Variants in TYR observed in about 807,000 individuals in gnomAD.
TYR encodes LB24-AB.
In TYR, 58 loss-of-function variants were observed where a neutral mutation model predicts 51.5. The observed-to-expected ratio is 1.13, with a 90% confidence interval of 0.91 to 1.40. The LOEUF (loss-of-function observed/expected upper bound fraction) is 1.40, where lower values mean the gene tolerates loss of function less well. Among genes scored for constraint, TYR ranks in the 40% most tolerant of loss-of-function variants. The pLI is 0.00. For synonymous variants in TYR, 263 were observed against 235.2 expected (o/e 1.12, Z -1.08); for missense variants, 732 against 647.4 (o/e 1.13, Z -1.42).
intron 2 of TYR, among the ~76,000 whole-genome samples, chr11:89,223,908 G>GTT (rs66544506): frequency 0.044 from 6,333 of 143,086 alleles, 175 homozygotes; most frequent in Middle Eastern, 0.062. Flanking sequence ...TTCTTTAGCT[G>GTT]TTTTTTTTTT....
intron 3 of TYR, among the ~76,000 whole-genome samples, chr11:89,243,106 C>T (rs2155147): frequency 0.027 from 4,121 of 152,184 alleles, 158 homozygotes; most frequent in African/African-American, 0.093. Context: ...TTGTTATTCT[C>T]AAAAGTTTGT....
At position 89,284,938 on chromosome 11, in the gene TYR, C is replaced by T; in HGVS notation, c.1350C>T (p.Ser450=). 1.9e-6 allele frequency: 3 copies of T among 1,611,340 alleles called. No homozygotes were observed. Among genetic ancestry groups the T allele is most frequent in the Non-Finnish European group, 2.5e-6 (3 of 1,178,122 alleles). Residue 450 remains serine, a synonymous_variant, in exon 4 of 5, where the codon AGC becomes AGT. Coordinates refer to ENST00000263321, the MANE Select transcript of TYR (RefSeq NM_000372.5). ...CCAAAGATCTGGGCTATGACTATAG[C>T]TATCTACAAGATTCAGGTAAAGTTT... ...ISSKDLGYDY[S]YLQDSDPDSF...
chr11:89,269,608 C>G (rs1944566687), intron 3 of TYR, among the ~76,000 whole-genome samples: 1 of 151,900 alleles, frequency 6.6e-6, no homozygotes, highest in Admixed American at 6.6e-5. Flanking sequence ...AACTGCCTTA[C>G]TGATTCCCCA....
intron 2 of TYR, among the ~76,000 whole-genome samples, chr11:89,224,290 G>A (rs1943949801): frequency 6.6e-6 from 1 of 152,052 alleles, no homozygotes; most frequent in African/African-American, 2.4e-5. Flanking sequence ...TCTGTACTAG[G>A]TGCTTTTATA....
intron 3 of TYR, among the ~76,000 whole-genome samples, chr11:89,271,912 A>T (rs781169642): frequency 2.6e-4 from 40 of 151,902 alleles, no homozygotes; most frequent in Non-Finnish European, 1.2e-4. Flanking sequence ...GCAACCCCTC[A>T]TTCGTTCAAA....
chr11:89,275,466 C>T (rs1261651983), intron 3 of TYR, among the ~76,000 whole-genome samples: 1 of 151,914 alleles, frequency 6.6e-6, no homozygotes, highest in Non-Finnish European at 1.5e-5. Context: ...CCCAGATCTT[C>T]TACTGCTTTC....
rs1943442931 is a variant in TYR, at chr11:89,191,349, A to C, written c.967A>C (p.Ser323Arg). ...TTCAGCTGATGTAGAATTTTGCCTGAGTTTGACCCAATATGAATCTGGTTC... is the reference window on the plus strand; with the variant it reads ...TTCAGCTGATGTAGAATTTTGCCTGCGTTTGACCCAATATGAATCTGGTTC... ...PSSADVEFCL[S>R]LTQYESGSMD... Residue 323 changes from serine to arginine, a missense_variant, in exon 2 of 5, where the codon AGT (serine) becomes CGT (arginine). Ser to Arg is a moderately radical substitution (Grantham distance 110). Transcript: ENST00000263321. 1.2e-6 allele frequency: 2 copies of C among 1,613,668 alleles called. No individual in the cohort carries two copies. The highest frequency in any genetic ancestry group is 2.2e-5 in the South Asian group (2 of 91,092).
At chr11:89,261,921 G>C (rs1348299290) in intron 3 of TYR, among the ~76,000 whole-genome samples, 1 of 151,990 alleles carries the variant, frequency 6.6e-6, no homozygotes, top group Non-Finnish European at 1.5e-5. Flanking sequence ...ATGAATATAT[G>C]GGGAAATTAA....
At chr11:89,222,780 G>A (rs972119576) in intron 2 of TYR, among the ~76,000 whole-genome samples, 1 of 152,092 alleles carries the variant, frequency 6.6e-6, no homozygotes, top group African/African-American at 2.4e-5. Flanking sequence ...CTGAAACTGG[G>A]TTTATTAATT....
chr11:89,213,711 C>G (rs1161857875), intron 2 of TYR, among the ~76,000 whole-genome samples: 3 of 152,144 alleles, frequency 2.0e-5, no homozygotes, highest in Admixed American at 6.5e-5. Flanking sequence ...GCTACACTAA[C>G]CAAAACAGCA....
chr11:89,204,956 T>A (rs1943652170), intron 2 of TYR, among the ~76,000 whole-genome samples: 1 of 152,152 alleles, frequency 6.6e-6, no homozygotes. Flanking sequence ...CGCAATTACG[T>A]TTGTACCAAG....
At chr11:89,241,319 G>A (rs537516511) in intron 3 of TYR, among the ~76,000 whole-genome samples, 1 of 152,228 alleles carries the variant, frequency 6.6e-6, no homozygotes, top group South Asian at 2.1e-4. Context: ...ATGTACTCTT[G>A]TCTACCCTGT....
chr11:89,266,638 A>G (rs2135311353), intron 3 of TYR, among the ~76,000 whole-genome samples: 1 of 152,104 alleles, frequency 6.6e-6, no homozygotes, highest in South Asian at 2.1e-4. Flanking sequence ...CACTGCATAT[A>G]TGTTACATAC....
At chr11:89,278,321 T>C (rs879854248) in intron 3 of TYR, among the ~76,000 whole-genome samples, 23 of 151,662 alleles carry the variant, frequency 1.5e-4, no homozygotes, top group Non-Finnish European at 3.2e-4. Flanking sequence ...ATTTCTGAAA[T>C]TGCTAGTTAC....
chr11:89,265,713 CT>C (rs2135310561), intron 3 of TYR, among the ~76,000 whole-genome samples: 1 of 152,054 alleles, frequency 6.6e-6, no homozygotes, highest in East Asian at 1.9e-4. Flanking sequence ...AATAGGAATC[CT>C]TTTCTCCATG....
intron 1 of TYR, among the ~76,000 whole-genome samples, chr11:89,185,036 A>C (rs1943351816): frequency 6.6e-6 from 1 of 152,186 alleles, no homozygotes; most frequent in Admixed American, 6.5e-5. Flanking sequence ...GATTATTTTC[A>C]AATGTGATGC....
intron 2 of TYR, among the ~76,000 whole-genome samples, chr11:89,202,247 T>C (rs558413893): frequency 6.6e-6 from 1 of 152,206 alleles, no homozygotes; most frequent in South Asian, 2.1e-4. Context: ...ATTAGTCACC[T>C]TGCTTCTCTC....
rs1206075858 is a variant in TYR, at chr11:89,202,765, T to C, written c.1036+11347T>C. ...CTGGTTACTATATTCACATTTCTTT[T>C]CTTAAGATGTAATAATTAATGGAGG... On this transcript the variant is annotated intron_variant, in intron 2 of 4. Transcript: ENST00000263321. Among the ~76,000 whole-genome samples the C allele has an allele frequency of 2.6e-5, 4 of 152,122 alleles. No individual in the cohort carries two copies. In the East Asian group the frequency reaches 7.7e-4, roughly 29 times the overall value.
At chr11:89,190,993 G>A (rs181097386) in intron 1 of TYR, among the ~76,000 whole-genome samples, 61 of 152,244 alleles carry the variant, frequency 4.0e-4, no homozygotes, top group African/African-American at 1.4e-3. Flanking sequence ...CTAGGTTTGT[G>A]CAAGTACACT....
Sources: allele counts gnomAD v4.1 joint callset (sites outside exome capture counted in the v4.1 genomes callset), GRCh38; gene constraint gnomAD v4.1.1; transcripts MANE v1.5; gene names NCBI Gene and HGNC (gene_info 2026-07-23, HGNC 2026-07-21).